IQANK1: variants seen among roughly 807,000 people sequenced by gnomAD.
The protein encoded by IQANK1 is IQ motif and ankyrin repeat containing 1.
IQANK1 carries 30 observed loss-of-function variants against 22.6 expected under a neutral mutation model. The ratio of observed to expected loss-of-function variants is 1.33; its 90% CI spans 0.99 to 1.80. The LOEUF (loss-of-function observed/expected upper bound fraction) is 1.80, where lower values mean the gene tolerates loss of function less well. Ranked by LOEUF, IQANK1 falls within the 40% of genes most tolerant of loss-of-function variation. IQANK1 has a pLI of 0.00. For missense variants in IQANK1, 275 were observed against 235.2 expected, an observed-to-expected ratio of 1.17 and a Z score of -1.11; for synonymous variants, 122 against 99.6, an observed-to-expected ratio of 1.23 and a Z score of -1.34.
At chr8:143,759,642 G>A (rs1819357873) in intron 3 of IQANK1, 1 of 152,242 alleles carries the variant, frequency 6.6e-6, no homozygotes, top group Non-Finnish European at 1.5e-5. Flanking sequence ...TGAGCTTTGT[G>A]AAAATCCACA....
Position 143,790,045 on chromosome 8 carries a change from C to G in IQANK1, c.1270C>G (p.Arg424Gly), listed in dbSNP as rs946818410. 1.6e-6 allele frequency: 2 copies of G among 1,232,004 alleles called. No individual in the cohort carries two copies. Among genetic ancestry groups the G allele is most frequent in the African/African-American group, 1.6e-5 (1 of 64,436 alleles). 76.3% of individuals were successfully genotyped at this position (1,232,004 alleles called of 1,614,324 possible). ...TGTGCTGATGAAAGATGTAGGCAAC[C>G]GCATCCGTGCCGATGGCCGGTCAGT... ...HDVLMKDVGN[R>G]IRADGRWPLV... Residue 424 changes from arginine (R) to glycine (G), a missense_variant, in exon 12 of 14, where the codon CGC becomes GGC. Transcript: ENST00000527139.
intron 3 of IQANK1, among the ~76,000 whole-genome samples, chr8:143,747,114 C>T (rs776325612): frequency 2.6e-5 from 4 of 152,088 alleles, no homozygotes; most frequent in Admixed American, 6.5e-5. Flanking sequence ...CTCCTGACCT[C>T]GTGATCCACC....
chr8:143,738,198 C>T (rs1818795500), intron 2 of IQANK1, among the ~76,000 whole-genome samples: 1 of 152,162 alleles, frequency 6.6e-6, no homozygotes, highest in African/African-American at 2.4e-5. Context: ...GCCCTCCTGG[C>T]CCGGGGTTTG....
chr8:143,775,189 T>C (rs1819659194), intron 7 of IQANK1, among the ~76,000 whole-genome samples: 1 of 152,072 alleles, frequency 6.6e-6, no homozygotes, highest in Non-Finnish European at 1.5e-5. Flanking sequence ...GTCAGTATCC[T>C]AGTTTGTATG....
chr8:143,760,863 C>G (rs957633337), intron 3 of IQANK1, among the ~76,000 whole-genome samples: 20 of 152,202 alleles, frequency 1.3e-4, no homozygotes, highest in Non-Finnish European at 2.4e-4. Context: ...CGGGGCCCTC[C>G]CAGGAGCCGG....
chr8:143,761,884 AAC>A (rs1393008896), intron 3 of IQANK1, among the ~76,000 whole-genome samples: 2 of 88,084 alleles, frequency 2.3e-5, no homozygotes, highest in Non-Finnish European at 7.4e-5. Flanking sequence ...AATATATCCT[AAC>A]ATATATGATG....
At chr8:143,736,942 C>G (rs1554625765) in intron 2 of IQANK1, among the ~76,000 whole-genome samples, 2 of 152,110 alleles carry the variant, frequency 1.3e-5, no homozygotes, top group Non-Finnish European at 2.9e-5. Flanking sequence ...AAGAGAGCAC[C>G]CCATCCTGCT....
intron 8 of IQANK1, 43 bp downstream of exon 8, chr8:143,789,106 G>A: frequency 2.5e-6 from 1 of 402,028 alleles, no homozygotes; most frequent in Non-Finnish European, 4.4e-6. Context: ...TGCTGGCAAG[G>A]GGCGCTGGCA....
chr8:143,755,412 G>GGAGT (rs1819272173), intron 3 of IQANK1, among the ~76,000 whole-genome samples: 2 of 152,122 alleles, frequency 1.3e-5, no homozygotes, highest in South Asian at 4.1e-4. Flanking sequence ...TCCCCAGGCT[G>GGAGT]GAGTACAATG....
intron 7 of IQANK1, among the ~76,000 whole-genome samples, chr8:143,786,849 G>A (rs571546099): frequency 2.0e-5 from 3 of 152,216 alleles, no homozygotes; most frequent in Admixed American, 1.3e-4. Context: ...CCAGACAGGA[G>A]GACTGGCCAG....
In IQANK1 at chr8:143,739,741, T is replaced by TG. The variant is rs1455959103; in HGVS notation, c.86-112dup. 19 of 576,220 alleles carry TG rather than the reference T, an allele frequency of 3.3e-5. No homozygotes were observed. In the Admixed American group the frequency reaches 4.1e-4, roughly 13 times the overall value. 35.7% of individuals were successfully genotyped at this position (576,220 alleles called of 1,614,324 possible). A position where few individuals can be genotyped will look rare whatever the true frequency, so the allele number is the denominator to read the frequency against. The stretch of plus-strand genomic sequence containing the variant: ...TGCTTCCCTCGGGAGGAGGCCCGGG[T>TG]GGGGGGCTCCCTGTCTGCCAGGACG... On this transcript the variant is annotated intron_variant, in intron 2 of 13. Coordinates refer to ENST00000527139, the MANE Select transcript of IQANK1 (RefSeq NM_001381874.1).
intron 3 of IQANK1, among the ~76,000 whole-genome samples, chr8:143,754,812 G>T (rs1362924192): frequency 1.3e-5 from 2 of 152,168 alleles, no homozygotes; most frequent in African/African-American, 4.8e-5. Context: ...ATTTTTAGTA[G>T]AGACGGGGTT....
chr8:143,749,782 C>T (rs1819152944), intron 3 of IQANK1, among the ~76,000 whole-genome samples: 1 of 149,658 alleles, frequency 6.7e-6, no homozygotes, highest in Non-Finnish European at 1.5e-5. Context: ...GGGGTGGTCT[C>T]AAACTCCTGA....
At chr8:143,748,195 G>A (rs957328392) in intron 3 of IQANK1, among the ~76,000 whole-genome samples, 1 of 151,082 alleles carries the variant, frequency 6.6e-6, no homozygotes, top group Non-Finnish European at 1.5e-5. Flanking sequence ...GGGCTTTACC[G>A]TGTTGCCCAG....
chr8:143,789,764 A>G lies in IQANK1; in HGVS notation c.1090A>G (p.Ile364Val). Residue 364 changes from isoleucine (I) to valine (V), a missense_variant, in exon 11 of 14, where the codon ATC becomes GTC. Transcript: ENST00000527139. ...MDKTKLTLQA[I>V]KDTEAQVDRL... The stretch of plus-strand genomic sequence containing the variant: ...TCAGTGTGGCCTCCTCCTCCAGGCC[A>G]TCAAGGACACAGAGGCCCAGGTGGA... 1.6e-6 allele frequency: 2 copies of G among 1,232,028 alleles called. No homozygotes were observed. Among genetic ancestry groups the G allele is most frequent in the Non-Finnish European group, 2.0e-6 (2 of 988,032 alleles). 76.3% of individuals were successfully genotyped at this position (1,232,028 alleles called of 1,614,324 possible). A position where few individuals can be genotyped will look rare whatever the true frequency, so the allele number is the denominator to read the frequency against.
At position 143,754,627 on chromosome 8, in the gene IQANK1, A is replaced by T. The variant is rs1212511794; in HGVS notation, c.175+14679A>T. Reference sequence around the variant, plus strand: ...AGACAAAGGTAGCAATCTTATTTTTATTATTATTTTTTTTTTGAGATGGAG... The same window carrying T: ...AGACAAAGGTAGCAATCTTATTTTTTTTATTATTTTTTTTTTGAGATGGAG... On this transcript the variant is annotated intron_variant, in intron 3 of 13. Coordinates refer to ENST00000527139, the MANE Select transcript of IQANK1 (RefSeq NM_001381874.1). 3.3e-5 allele frequency among the ~76,000 whole-genome samples: 5 copies of T among 151,768 alleles called. No homozygotes were observed. In the East Asian group the frequency reaches 9.7e-4, roughly 29 times the overall value.
rs1819578957 is a variant in IQANK1 at position 143,771,766 on chromosome 8, C to T, written c.307-35C>T. 5.0e-6 allele frequency: 2 copies of T among 397,084 alleles called. No individual in the cohort carries two copies. The highest frequency in any genetic ancestry group is 1.3e-4 in the South Asian group (1 of 7,770). 24.6% of individuals were successfully genotyped at this position (397,084 alleles called of 1,614,324 possible). A position where few individuals can be genotyped will look rare whatever the true frequency, so the allele number is the denominator to read the frequency against. On this transcript the variant is annotated intron_variant, in intron 4 of 13. Transcript: ENST00000527139. This position sits in a 1 kb window ranked among gnomAD's most constrained non-coding sequence, Gnocchi z 6.0. Reference sequence around the variant, plus strand: ...GGCCTCGGGGCTCGGGGCGGTGGCGCGGAGTGGGCGGTGACTTCGGCGGGC... The same window carrying T: ...GGCCTCGGGGCTCGGGGCGGTGGCGTGGAGTGGGCGGTGACTTCGGCGGGC...
chr8:143,745,283 T>A (rs1554627103), intron 3 of IQANK1: 1 of 152,246 alleles, frequency 6.6e-6, no homozygotes. Context: ...AACACCCTAC[T>A]GACCTTGTCC....
chr8:143,762,257 C>T (rs1246547290), intron 3 of IQANK1, among the ~76,000 whole-genome samples: 3 of 149,986 alleles, frequency 2.0e-5, no homozygotes, highest in Middle Eastern at 3.4e-3. Flanking sequence ...TGCAGTGAGC[C>T]GAGATCGCGC....
Sources: gnomAD v4.1 joint callset for allele counts (sites outside exome capture counted in the v4.1 genomes callset) on GRCh38, gnomAD v4.1.1 for gene constraint, Gnocchi (gnomAD v3.1) non-coding constraint, MANE v1.5 for transcripts, NCBI Gene and HGNC (gene_info 2026-07-23, HGNC 2026-07-21) for gene names.